PCDHGB5: variants seen among roughly 807,000 people sequenced by gnomAD.
PCDHGB5 encodes protocadherin gamma-B5.
Under a neutral mutation model 62.9 loss-of-function variants are expected in PCDHGB5, and 48 were observed. The observed-to-expected ratio is 0.76, with a 90% CI of 0.61 to 0.97. The LOEUF (loss-of-function observed/expected upper bound fraction) is 0.97. Among genes scored for constraint, PCDHGB5 ranks in the 50% least tolerant of loss-of-function variants. The probability of loss-of-function intolerance (pLI) is 0.00; values close to 1 mark genes in which losing one functional copy is unlikely to be tolerated. For missense variants in PCDHGB5, 1,118 were observed against 1,198.6 expected (o/e 0.93, Z 0.99); for synonymous variants, 474 against 511.2 (o/e 0.93, Z 0.98).
At chr5:141,424,982 G>T (rs2096852076) in intron 1 of PCDHGB5, among the ~76,000 whole-genome samples, 1 of 152,106 alleles carries the variant, frequency 6.6e-6, no homozygotes, top group South Asian at 2.1e-4. Context: ...GGATATTTAT[G>T]TTCCCTTTCA....
rs1425295626 is a variant in PCDHGB5 at position 141,477,940 on chromosome 5, C to T, written c.2398-16867C>T. On this transcript the variant is annotated intron_variant, in intron 1 of 3. Coordinates refer to ENST00000617380, the MANE Select transcript of PCDHGB5 (RefSeq NM_018925.3). This position sits in a 1 kb window ranked among gnomAD's most constrained non-coding sequence, Gnocchi z 4.9. ...CAGGGCACAATGCCTGGCTCTCCTA[C>T]AGTCTCTTGGGATCCCCTAACCAGA... The T allele has an allele frequency of 6.2e-7, 1 of 1,614,178 alleles. No homozygotes were observed. Among genetic ancestry groups the T allele is most frequent in the South Asian group, 1.1e-5 (1 of 91,084 alleles).
In PCDHGB5 at chr5:141,487,460, G is replaced by T; in HGVS notation, c.2398-7347G>T. ...AGGGTCAGATGACCCTATCAAGTTT[G>T]TTGATGTGGGAGGCCACTCTCATGG... On this transcript the variant is annotated intron_variant, in intron 1 of 3. Transcript: ENST00000617380. The surrounding 1 kb of genome is among the most constrained non-coding windows in gnomAD (Gnocchi z 5.0). 1 of 1,614,170 alleles carries T rather than the reference G, an allele frequency of 6.2e-7. No individual in the cohort carries two copies. Among genetic ancestry groups the T allele is most frequent in the Non-Finnish European group, 8.5e-7 (1 of 1,180,024 alleles).
At chr5:141,461,602 A>G (rs971808608) in intron 1 of PCDHGB5, among the ~76,000 whole-genome samples, 2 of 152,172 alleles carry the variant, frequency 1.3e-5, no homozygotes, top group African/African-American at 4.8e-5. Flanking sequence ...ATTATAATTT[A>G]GTTCAAAGTA....
chr5:141,461,409 A>ATATGTTTGT (rs1491521215), intron 1 of PCDHGB5, among the ~76,000 whole-genome samples: 2 of 151,810 alleles, frequency 1.3e-5, no homozygotes, highest in Non-Finnish European at 2.9e-5. Context: ...GCATTTTTTC[A>ATATGTTTGT]TATGTTTGTG....
chr5:141,428,561 A>G (rs879118525), intron 1 of PCDHGB5: 16 of 238,202 alleles, frequency 6.7e-5, no homozygotes, highest in South Asian at 5.9e-4. Context: ...GTCCCCCCAC[A>G]AGATCTTTCT....
chr5:141,492,575 C>T (rs1213639439), intron 1 of PCDHGB5, among the ~76,000 whole-genome samples: 1 of 152,218 alleles, frequency 6.6e-6, no homozygotes, highest in South Asian at 2.1e-4. Flanking sequence ...GAGCGAGGCG[C>T]GGGGCCAGGA....
At chr5:141,482,382 T>C (rs935517099) in intron 1 of PCDHGB5, among the ~76,000 whole-genome samples, 1 of 152,146 alleles carries the variant, frequency 6.6e-6, no homozygotes, top group Admixed American at 6.6e-5. Context: ...ATAAAGTCCC[T>C]GTATGGAGCA....
At chr5:141,421,060 A>C (rs1394861719) in intron 1 of PCDHGB5, 3 of 579,718 alleles carry the variant, frequency 5.2e-6, no homozygotes, top group Non-Finnish European at 8.8e-6. Context: ...TACCACACAA[A>C]GCGGAATGAG....
At position 141,490,118 on chromosome 5, in the gene PCDHGB5, T is replaced by G. The variant is rs1448768968; in HGVS notation, c.2398-4689T>G. The G allele has an allele frequency of 6.2e-7, 1 of 1,614,158 alleles. No individual in the cohort carries two copies. Among genetic ancestry groups the G allele is most frequent in the Non-Finnish European group, 8.5e-7 (1 of 1,180,048 alleles). On this transcript the variant is annotated intron_variant, in intron 1 of 3. Transcript: ENST00000617380. This position sits in a 1 kb window ranked among gnomAD's most constrained non-coding sequence, Gnocchi z 5.4. ...ACATCTGAGGCAGTGCGGAACCTCT[T>G]TGGCCTAGACCCTAGCAGTGGGGCA...
At chr5:141,472,323 C>T (rs980684595) in intron 1 of PCDHGB5, among the ~76,000 whole-genome samples, 4 of 151,498 alleles carry the variant, frequency 2.6e-5, no homozygotes, top group East Asian at 2.0e-4. Flanking sequence ...AGGCAGATCA[C>T]GAGGTTGGGA....
Position 141,476,129 on chromosome 5 carries a change from G to T in PCDHGB5, c.2398-18678G>T, listed in dbSNP as rs2099385585. 6.2e-7 allele frequency: 1 copy of T among 1,606,848 alleles called. No homozygotes were observed. The highest frequency in any genetic ancestry group is 1.3e-5 in the African/African-American group (1 of 75,000). On this transcript the variant is annotated intron_variant, in intron 1 of 3. Transcript: ENST00000617380. The surrounding 1 kb of genome is among the most constrained non-coding windows in gnomAD (Gnocchi z 7.6). ...GCTTTTGAGTGAGATGGTCCCAGAG[G>T]CCTGGAGGAGCGGACTGGTAAGCAC...
At chr5:141,424,198 C>A (rs116187844) in intron 1 of PCDHGB5, 2 of 181,904 alleles carry the variant, frequency 1.1e-5, no homozygotes, top group South Asian at 1.9e-4. Context: ...CACTTATACA[C>A]GTAAGCTTTT....
chr5:141,398,011 T>A lies in PCDHGB5; in HGVS notation c.-117T>A, dbSNP rs531266866. On this transcript the variant is annotated 5_prime_UTR_variant, in exon 1 of 4. Coordinates refer to ENST00000617380, the MANE Select transcript of PCDHGB5 (RefSeq NM_018925.3). ...CGCTTCCTCCTCGGAAAAAGAATCG[T>A]TTCCTAAACTGGAACTGGAACTAAA... The A allele has an allele frequency of 2.7e-5, 38 of 1,413,006 alleles. No homozygotes were observed. In the African/African-American group the frequency reaches 4.3e-4, roughly 16 times the overall value. 87.5% of individuals were successfully genotyped at this position (1,413,006 alleles called of 1,614,324 possible). A position where few individuals can be genotyped will look rare whatever the true frequency, so the allele number is the denominator to read the frequency against.
At chr5:141,469,629 C>T (rs933972587) in intron 1 of PCDHGB5, among the ~76,000 whole-genome samples, 1 of 152,070 alleles carries the variant, frequency 6.6e-6, no homozygotes, top group Admixed American at 6.6e-5. Context: ...GTTTGTAGTT[C>T]CAAAATATTT....
chr5:141,416,449 G>A (rs938389094), intron 1 of PCDHGB5: 1 of 152,138 alleles, frequency 6.6e-6, no homozygotes, highest in Non-Finnish European at 1.5e-5. Context: ...AATATGGGTT[G>A]GGAAGACAGA....
rs1051300319 is a variant in PCDHGB5 at position 141,491,957 on chromosome 5, A to T, written c.2398-2850A>T. ...GACCGACCCCCACCCCTACACTCAA[A>T]AAAGGCCGGGGCCTCCTTCGAGCTT... is the stretch of plus-strand genomic sequence containing the variant. On this transcript the variant is annotated intron_variant, in intron 1 of 3. Coordinates refer to ENST00000617380, the MANE Select transcript of PCDHGB5 (RefSeq NM_018925.3). The surrounding 1 kb of genome is among the most constrained non-coding windows in gnomAD (Gnocchi z 6.9). 3.6e-5 allele frequency: 37 copies of T among 1,020,096 alleles called. No individual in the cohort carries two copies. The highest frequency in any genetic ancestry group is 5.0e-5 in the Non-Finnish European group (37 of 736,248). The allele number at this position is 1,020,096 out of a possible 1,614,324, so 63.2% of individuals were successfully genotyped here.
rs2233607 is a variant in PCDHGB5 at position 141,490,647 on chromosome 5, G to A, written c.2398-4160G>A. The A allele has an allele frequency of 2.5e-3, 3,973 of 1,614,082 alleles. 41 individuals carry two copies. The African/African-American group carries it at 0.027, about 11-fold the overall frequency. ...CTTACATCCTAGAAAACCGGCCTCC[G>A]GGCTCCCTTCTTTGCACTGTGGCTG... is the stretch of plus-strand genomic sequence containing the variant. On this transcript the variant is annotated intron_variant, in intron 1 of 3. Transcript: ENST00000617380. The surrounding 1 kb of genome is among the most constrained non-coding windows in gnomAD (Gnocchi z 5.4).
chr5:141,402,319 C>G lies in PCDHGB5; in HGVS notation c.2397+1795C>G, dbSNP rs181180510. On this transcript the variant is annotated intron_variant, in intron 1 of 3. Transcript: ENST00000617380. ...TGTATTAATACAATTATATATTTTA[C>G]ATTTACAAATATATAGGTATAAAAA... Among the ~76,000 whole-genome samples, 14 of 151,934 alleles carry G rather than the reference C, an allele frequency of 9.2e-5. No individual in the cohort carries two copies. In the East Asian group the frequency reaches 2.7e-3, roughly 29 times the overall value.
rs762476625 is a variant in PCDHGB5 at position 141,420,218 on chromosome 5, C to A, written c.2397+19694C>A. On this transcript the variant is annotated intron_variant, in intron 1 of 3. Coordinates refer to ENST00000617380, the MANE Select transcript of PCDHGB5 (RefSeq NM_018925.3). The stretch of plus-strand genomic sequence containing the variant: ...AGATAACCTCAACAAAGATAGCATG[C>A]TACTGGCTAGCATTTTAACTCCCAG... 4 of 1,608,408 alleles carry A rather than the reference C, an allele frequency of 2.5e-6. No individual in the cohort carries two copies. In the South Asian group the frequency reaches 4.4e-5, roughly 18 times the overall value.
Sources: gnomAD v4.1 joint callset for allele counts (sites outside exome capture counted in the v4.1 genomes callset) on GRCh38, gnomAD v4.1.1 for gene constraint, Gnocchi (gnomAD v3.1) non-coding constraint, MANE v1.5 for transcripts, NCBI Gene and HGNC (gene_info 2026-07-23, HGNC 2026-07-21) for gene names.